The following UVRAG variants were observed in gnomAD, a reference collection of about 807,000 sequenced individuals.
UVRAG encodes UV radiation resistance-associated gene protein.
A neutral mutation model predicts 78.0 loss-of-function variants in UVRAG; 19 were observed. The ratio of observed to expected loss-of-function variants is 0.24; its 90% CI spans 0.17 to 0.36. The LOEUF is 0.36. UVRAG is among the 10% of genes least tolerant of loss of function. UVRAG has a pLI of 1.00. For missense variants in UVRAG, 740 were observed against 853.8 expected (o/e 0.87, Z 1.66); for synonymous variants, 323 against 324.6 (o/e 1.00, Z 0.05).
intron 13 of UVRAG, among the ~76,000 whole-genome samples, chr11:76,068,144 GTA>G (rs1169412092): frequency 6.6e-6 from 1 of 152,146 alleles, no homozygotes; most frequent in Non-Finnish European, 1.5e-5. Context: ...CAAAAGGATG[GTA>G]TGCCAAAAGA....
At chr11:75,899,110 C>T (rs1367515496) in intron 5 of UVRAG, among the ~76,000 whole-genome samples, 1 of 152,118 alleles carries the variant, frequency 6.6e-6, no homozygotes, top group Non-Finnish European at 1.5e-5. Flanking sequence ...GTTTTCCTTT[C>T]CCCTGCCTTA....
chr11:75,828,799 A>ATTT (rs1183493611), intron 1 of UVRAG, among the ~76,000 whole-genome samples: 6 of 80,076 alleles, frequency 7.5e-5, no homozygotes, highest in Non-Finnish European at 1.1e-4. Flanking sequence ...ATATATATAT[A>ATTT]TATATATTTT....
intron 8 of UVRAG, among the ~76,000 whole-genome samples, chr11:75,999,669 G>A (rs866255809): frequency 2.4e-4 from 36 of 152,126 alleles, no homozygotes; most frequent in African/African-American, 7.0e-4. Flanking sequence ...GTGAGCCACC[G>A]TGCCCAGCCA....
At chr11:75,984,654 AT>A (rs983501624) in intron 8 of UVRAG, among the ~76,000 whole-genome samples, 24 of 152,234 alleles carry the variant, frequency 1.6e-4, no homozygotes, top group African/African-American at 4.8e-4. Context: ...GCTTCCTTCC[AT>A]TTACCACATC....
intron 12 of UVRAG, among the ~76,000 whole-genome samples, chr11:76,023,944 A>G (rs1242164232): frequency 6.6e-6 from 1 of 152,176 alleles, no homozygotes; most frequent in East Asian, 1.9e-4. Context: ...GATGAAAAAC[A>G]TGGCTTATAA....
At chr11:76,046,196 G>C (rs757351187) in intron 12 of UVRAG, among the ~76,000 whole-genome samples, 1 of 152,198 alleles carries the variant, frequency 6.6e-6, no homozygotes, top group East Asian at 1.9e-4. Context: ...TTTCAGGCAT[G>C]AAAGTCCTAT....
intron 8 of UVRAG, 82 bp downstream of exon 8, chr11:75,983,595 A>C: frequency 6.9e-7 from 1 of 1,456,028 alleles, no homozygotes; most frequent in Non-Finnish European, 9.1e-7. Context: ...TCAAATAGTC[A>C]TTTTTTGTGT....
chr11:75,987,477 C>T (rs1370856377), intron 8 of UVRAG, among the ~76,000 whole-genome samples: 1 of 152,172 alleles, frequency 6.6e-6, no homozygotes, highest in African/African-American at 2.4e-5. Flanking sequence ...CAAATGATGG[C>T]ATTTTTATTT....
In UVRAG at chr11:75,994,974, T is replaced by C. The variant is rs10459048; in HGVS notation, c.827-9031T>C. On this transcript the variant is annotated intron_variant, in intron 8 of 14. Coordinates refer to ENST00000356136, the MANE Select transcript of UVRAG (RefSeq NM_003369.4). Reference sequence around the variant, plus strand: ...CAGGTCTTTCAACTTTTTGAGCTTATTTCCTCTGCATAAACAAAACAAAAC... The same window carrying C: ...CAGGTCTTTCAACTTTTTGAGCTTACTTCCTCTGCATAAACAAAACAAAAC... Among the ~76,000 whole-genome samples the C allele has an allele frequency of 1.1e-3, 163 of 152,344 alleles. 2 individuals are homozygous for C. In the East Asian group the frequency reaches 0.029, roughly 27 times the overall value.
At chr11:76,018,004 TATAA>T (rs1269720843) in intron 12 of UVRAG, among the ~76,000 whole-genome samples, 1 of 152,112 alleles carries the variant, frequency 6.6e-6, no homozygotes, top group Admixed American at 6.6e-5. Context: ...TCATTTTGAC[TATAA>T]ATAAATACTA....
At chr11:76,072,505 A>C (rs1951332307) in intron 13 of UVRAG, among the ~76,000 whole-genome samples, 1 of 152,180 alleles carries the variant, frequency 6.6e-6, no homozygotes, top group African/African-American at 2.4e-5. Flanking sequence ...TGCCTTTTTC[A>C]GATGCATGAA....
intron 1 of UVRAG, among the ~76,000 whole-genome samples, chr11:75,840,938 C>A (rs946371017): frequency 2.6e-5 from 4 of 152,084 alleles, no homozygotes; most frequent in Admixed American, 2.6e-4. Flanking sequence ...TGTTTTTAAA[C>A]TGACTTGAAT....
At chr11:76,136,098 C>T (rs1324592573) in intron 14 of UVRAG, among the ~76,000 whole-genome samples, 1 of 152,122 alleles carries the variant, frequency 6.6e-6, no homozygotes, top group Admixed American at 6.5e-5. Context: ...CTTGAAACCT[C>T]CTGAATATTC....
intron 6 of UVRAG, among the ~76,000 whole-genome samples, chr11:75,929,963 C>T (rs1644222639): frequency 6.6e-6 from 1 of 152,172 alleles, no homozygotes; most frequent in South Asian, 2.1e-4. Flanking sequence ...ACCCATATTG[C>T]ACATAGAAAG....
intron 13 of UVRAG, among the ~76,000 whole-genome samples, chr11:76,114,040 C>T (rs1339263062): frequency 1.3e-5 from 2 of 151,850 alleles, no homozygotes; most frequent in African/African-American, 2.4e-5. Flanking sequence ...TGTACTCACT[C>T]GGAGACACAT....
chr11:76,017,006 G>A, intron 12 of UVRAG, 26 bp downstream of exon 12: 1 of 1,535,286 alleles, frequency 6.5e-7, no homozygotes. Context: ...TTAAAAAAAT[G>A]ATTTTAACAT....
chr11:75,976,657 A>C (rs1177782229), intron 7 of UVRAG, among the ~76,000 whole-genome samples: 1 of 151,692 alleles, frequency 6.6e-6, no homozygotes, highest in Non-Finnish European at 1.5e-5. Flanking sequence ...ATTTACATAG[A>C]GGTGTTTATA....
intron 2 of UVRAG, among the ~76,000 whole-genome samples, chr11:75,859,213 A>G (rs1338890785): frequency 6.6e-6 from 1 of 152,102 alleles, no homozygotes; most frequent in East Asian, 1.9e-4. Context: ...CTTCTCTACT[A>G]AAAATACAAA....
intron 2 of UVRAG, among the ~76,000 whole-genome samples, chr11:75,861,477 T>C (rs112334751): frequency 3.3e-5 from 5 of 152,234 alleles, no homozygotes; most frequent in African/African-American, 1.2e-4. Flanking sequence ...CAAATTAGAA[T>C]TGGAGGAAAA....
Sources: gnomAD v4.1 joint callset for allele counts (sites outside exome capture counted in the v4.1 genomes callset) on GRCh38, gnomAD v4.1.1 for gene constraint, MANE v1.5 for transcripts, NCBI Gene and HGNC (gene_info 2026-07-23, HGNC 2026-07-21) for gene names.